NTM: variants seen among roughly 807,000 people sequenced by gnomAD.
The protein encoded by NTM is neurotrimin.
A neutral mutation model predicts 42.1 loss-of-function variants in NTM; 13 were observed. The ratio of observed to expected loss-of-function variants is 0.31; its 90% CI spans 0.20 to 0.49. The LOEUF is 0.49. NTM is among the 20% of genes least tolerant of loss of function. NTM has a pLI of 0.99. For missense variants in NTM, 373 were observed against 452.8 expected, an observed-to-expected ratio of 0.82 and a Z score of 1.60; for synonymous variants, 187 against 179.2, an observed-to-expected ratio of 1.04 and a Z score of -0.35.
At chr11:132,055,394 A>T (rs1594172122) in intron 2 of NTM, among the ~76,000 whole-genome samples, 1 of 152,148 alleles carries the variant, frequency 6.6e-6, no homozygotes, top group East Asian at 1.9e-4. Context: ...TTAACACATT[A>T]TCTGGGCATA....
intron 2 of NTM, 130 bp downstream of exon 2, chr11:131,911,778 T>A: frequency 8.7e-7 from 1 of 1,145,042 alleles, no homozygotes; most frequent in Non-Finnish European, 1.3e-6. Flanking sequence ...GGCTGCACAA[T>A]TTATGGCTGC....
intron 1 of NTM, among the ~76,000 whole-genome samples, chr11:131,693,476 G>A (rs999785280): frequency 6.6e-6 from 1 of 152,162 alleles, no homozygotes; most frequent in African/African-American, 2.4e-5. Context: ...GTTAAGGAAT[G>A]GGGGGCATGG....
chr11:131,740,362 C>A (rs2081031365), intron 1 of NTM, among the ~76,000 whole-genome samples: 1 of 152,178 alleles, frequency 6.6e-6, no homozygotes, highest in African/African-American at 2.4e-5. Context: ...AAAATGAATA[C>A]TCACAATGAA....
intron 4 of NTM, among the ~76,000 whole-genome samples, chr11:132,250,413 AT>A (rs1044420745): frequency 1.3e-5 from 2 of 152,008 alleles, no homozygotes; most frequent in Non-Finnish European, 2.9e-5. Flanking sequence ...CTATGGATTA[AT>A]TTTTTTATTA....
rs1490204369 is a variant in NTM, at chr11:131,789,575, A to G, written c.83-121989A>G. Among the ~76,000 whole-genome samples the G allele has an allele frequency of 4.5e-4, 24 of 52,904 alleles. 3 individuals carry two copies. The highest frequency in any genetic ancestry group is 1.3e-3 in the African/African-American group (13 of 9,788). The allele number at this position is 52,904 out of a possible 152,430, so 34.7% of individuals were successfully genotyped here. ...GAAGAAGAAGAAGAAGAAGAAGAAG[A>G]AGAAGAAGAAGAAGAAGAAGAAGAA... On this transcript the variant is annotated intron_variant, in intron 1 of 8. Coordinates refer to ENST00000683400, the MANE Select transcript of NTM (RefSeq NM_001352005.2).
At chr11:132,286,198 C>T (rs2094223033) in intron 4 of NTM, among the ~76,000 whole-genome samples, 1 of 152,102 alleles carries the variant, frequency 6.6e-6, no homozygotes, top group African/African-American at 2.4e-5. Flanking sequence ...ACTTCACAGT[C>T]GATATTATAT....
intron 2 of NTM, among the ~76,000 whole-genome samples, chr11:132,119,994 G>T (rs917063195): frequency 6.6e-6 from 1 of 152,138 alleles, no homozygotes; most frequent in African/African-American, 2.4e-5. Context: ...CTAGAGAGAA[G>T]GGAAATTGAC....
chr11:132,256,276 A>G (rs1470324601), intron 4 of NTM, among the ~76,000 whole-genome samples: 1 of 152,178 alleles, frequency 6.6e-6, no homozygotes, highest in Non-Finnish European at 1.5e-5. Flanking sequence ...GGAAGACAGC[A>G]TTACTGACCA....
chr11:131,949,314 G>A (rs370223134), intron 2 of NTM, among the ~76,000 whole-genome samples: 5 of 152,240 alleles, frequency 3.3e-5, no homozygotes, highest in African/African-American at 9.6e-5. Context: ...GAGCATGGGC[G>A]TGCTAATATG....
In NTM at chr11:132,113,790, A is replaced by G. The variant is rs1591599835; in HGVS notation, c.168-32492A>G. 2.0e-5 allele frequency among the ~76,000 whole-genome samples: 3 copies of G among 152,222 alleles called. No individual in the cohort carries two copies. In the South Asian group the frequency reaches 6.2e-4, roughly 32 times the overall value. Reference sequence around the variant, plus strand: ...GTTGTGCTTCGAAGGACTCCATGCAATCCTAAGGCTCACTTTCCAAGCCCT... The same window carrying G: ...GTTGTGCTTCGAAGGACTCCATGCAGTCCTAAGGCTCACTTTCCAAGCCCT... On this transcript the variant is annotated intron_variant, in intron 2 of 8. Transcript: ENST00000683400.
intron 1 of NTM, among the ~76,000 whole-genome samples, chr11:131,678,519 C>T (rs551048635): frequency 5.9e-5 from 9 of 152,220 alleles, no homozygotes; most frequent in Non-Finnish European, 1.2e-4. Context: ...GCCCTTCCTC[C>T]TGTACTCCCT....
At chr11:131,395,598 G>A (rs745664940) in intron 1 of NTM, among the ~76,000 whole-genome samples, 1 of 152,116 alleles carries the variant, frequency 6.6e-6, no homozygotes. Context: ...ACACTAACAG[G>A]TCATGGCCCC....
intron 1 of NTM, among the ~76,000 whole-genome samples, chr11:131,391,168 T>C (rs920444401): frequency 1.3e-5 from 2 of 152,332 alleles, no homozygotes; most frequent in African/African-American, 4.8e-5. Context: ...GGGTTGTAGA[T>C]AGCATTTTAG....
intron 1 of NTM, among the ~76,000 whole-genome samples, chr11:131,777,349 A>G (rs867249695): frequency 4.0e-5 from 6 of 151,138 alleles, no homozygotes; most frequent in Non-Finnish European, 7.4e-5. Context: ...GATTCCAATT[A>G]TATTCATTTT....
intron 2 of NTM, among the ~76,000 whole-genome samples, chr11:131,931,167 G>T (rs1308975752): frequency 6.6e-6 from 1 of 152,060 alleles, no homozygotes; most frequent in Non-Finnish European, 1.5e-5. Context: ...AGGTTCCTAG[G>T]CCAGGTGTGG....
intron 1 of NTM, among the ~76,000 whole-genome samples, chr11:131,722,061 C>T (rs2078426464): frequency 1.7e-5 from 2 of 120,198 alleles, no homozygotes; most frequent in African/African-American, 3.2e-5. Context: ...AAGCAACAAA[C>T]ACAATGCTTG....
intron 1 of NTM, among the ~76,000 whole-genome samples, chr11:131,715,656 C>G (rs1327859385): frequency 6.6e-6 from 1 of 152,202 alleles, no homozygotes; most frequent in Non-Finnish European, 1.5e-5. Context: ...CCTCCTCCTT[C>G]TATCCCCTCC....
chr11:131,499,511 C>T (rs2046462031), intron 1 of NTM, among the ~76,000 whole-genome samples: 1 of 152,246 alleles, frequency 6.6e-6, no homozygotes, highest in Admixed American at 6.5e-5. Context: ...TTGCTTCTTT[C>T]CAATCCACTT....
chr11:131,894,594 T>A (rs1331777734), intron 1 of NTM, among the ~76,000 whole-genome samples: 1 of 152,116 alleles, frequency 6.6e-6, no homozygotes, highest in East Asian at 1.9e-4. Context: ...CAGGCTTCCA[T>A]CTGCTTGCAC....
Sources: allele counts gnomAD v4.1 joint callset (sites outside exome capture counted in the v4.1 genomes callset), GRCh38; gene constraint gnomAD v4.1.1; transcripts MANE v1.5; gene names NCBI Gene and HGNC (gene_info 2026-07-23, HGNC 2026-07-21).